The following PLCG2 variants were observed in gnomAD, a reference collection of about 807,000 sequenced individuals.
The protein encoded by PLCG2 is 1-phosphatidylinositol 4,5-bisphosphate phosphodiesterase gamma-2.
Under a neutral mutation model 175.6 loss-of-function variants are expected in PLCG2, and 69 were observed. The observed-to-expected ratio is 0.39, with a 90% CI of 0.32 to 0.48. The LOEUF (loss-of-function observed/expected upper bound fraction) is 0.48. Ranked by LOEUF, PLCG2 falls within the 20% of genes least tolerant of loss-of-function variation. PLCG2 has a pLI of 0.91. For synonymous variants in PLCG2, 827 were observed against 624.0 expected (o/e 1.33, Z -4.85); for missense variants, 1,798 against 1,650.9 (o/e 1.09, Z -1.54).
intron 2 of PLCG2, among the ~76,000 whole-genome samples, chr16:81,760,748 T>TAAAAAAAAAAAAA (rs1224811220): frequency 2.3e-5 from 2 of 87,890 alleles, no homozygotes; most frequent in Non-Finnish European, 5.2e-5. Context: ...CCGTCTCTAT[T>TAAAAAAAAAAAAA]AAAAAAAAAA....
intron 22 of PLCG2, 108 bp downstream of exon 22, chr16:81,923,702 C>A: frequency 1.6e-6 from 1 of 640,942 alleles, no homozygotes; most frequent in Admixed American, 2.6e-5. Context: ...TCATCCTGGG[C>A]TGGCTTTGAC....
At chr16:81,849,831 G>A (rs1301528615) in intron 2 of PLCG2, among the ~76,000 whole-genome samples, 1 of 151,228 alleles carries the variant, frequency 6.6e-6, no homozygotes, top group South Asian at 2.1e-4. Context: ...CATTTTACTG[G>A]GAAAGAGAAT....
At chr16:81,832,105 A>G (rs34826185) in intron 2 of PLCG2, among the ~76,000 whole-genome samples, 19,782 of 76,352 alleles carry the variant, frequency 0.26, 1,382 homozygotes, top group Middle Eastern at 0.34. Flanking sequence ...TGATAAATGG[A>G]GGGGGGGAAT....
At chr16:81,947,928 A>G (rs188430142) in intron 31 of PLCG2, among the ~76,000 whole-genome samples, 101 of 152,250 alleles carry the variant, frequency 6.6e-4, no homozygotes, top group African/African-American at 1.8e-3. Flanking sequence ...TTTGTATATG[A>G]TATTTCCATA....
intron 16 of PLCG2, 27 bp downstream of exon 16, chr16:81,907,801 G>A (rs1909441966): frequency 1.9e-6 from 3 of 1,560,844 alleles, no homozygotes; most frequent in African/African-American, 1.4e-5. Context: ...GCCACATAGG[G>A]AGGAGGTCCC....
At chr16:81,932,499 T>A (rs1249766844) in intron 25 of PLCG2, among the ~76,000 whole-genome samples, 2 of 152,222 alleles carry the variant, frequency 1.3e-5, no homozygotes, top group Non-Finnish European at 2.9e-5. Flanking sequence ...AAGGTAGAAC[T>A]TGACCCAAAG....
chr16:81,865,316 C>G (rs1049090708), intron 5 of PLCG2, among the ~76,000 whole-genome samples: 4 of 152,134 alleles, frequency 2.6e-5, no homozygotes, highest in Admixed American at 6.5e-5. Flanking sequence ...GGGGGCTCAG[C>G]CTGCCTGTGC....
chr16:81,830,127 C>G (rs1905201989), intron 2 of PLCG2, among the ~76,000 whole-genome samples: 1 of 151,972 alleles, frequency 6.6e-6, no homozygotes, highest in African/African-American at 2.4e-5. Context: ...TGAGAATAGC[C>G]TGGGTAACAT....
At chr16:81,764,871 C>G (rs1159908744) in intron 2 of PLCG2, among the ~76,000 whole-genome samples, 1 of 152,146 alleles carries the variant, frequency 6.6e-6, no homozygotes, top group Non-Finnish European at 1.5e-5. Context: ...GGGCAGATCA[C>G]TTGAGCTCAG....
chr16:81,766,465 GCCTCCTCCTCCTCCTCTTCCTCCT>G (rs1244998173), intron 2 of PLCG2, among the ~76,000 whole-genome samples: 2 of 150,556 alleles, frequency 1.3e-5, no homozygotes, highest in Non-Finnish European at 3.0e-5. Context: ...CTTAGCCAGC[GCCTCCTCCTCCTCCTCTTCCTCCT>G]CCTCCTCCTC....
intron 2 of PLCG2, among the ~76,000 whole-genome samples, chr16:81,788,482 G>C (rs1207568513): frequency 6.6e-6 from 1 of 152,130 alleles, no homozygotes; most frequent in East Asian, 1.9e-4. Context: ...GGGTCTCACT[G>C]TGTTAGGCAG....
chr16:81,921,036 C>T (rs1910039134), intron 20 of PLCG2, among the ~76,000 whole-genome samples, 162 bp from the exon 21 acceptor site: 1 of 152,170 alleles, frequency 6.6e-6, no homozygotes, highest in African/African-American at 2.4e-5. Flanking sequence ...TTCTTTATAG[C>T]TTCTTCCTGT....
At chr16:81,938,508 A>C in intron 28 of PLCG2, 1 of 436,642 alleles carries the variant, frequency 2.3e-6, no homozygotes, top group Non-Finnish European at 4.1e-6. Flanking sequence ...TGCCTTGATC[A>C]GAGGCACCTG....
chr16:81,897,514 T>A (rs1349195025), intron 13 of PLCG2, among the ~76,000 whole-genome samples: 2 of 151,266 alleles, frequency 1.3e-5, no homozygotes, highest in Non-Finnish European at 2.9e-5. Flanking sequence ...ATAAGATCGA[T>A]TATTTTTTCT....
At position 81,854,483 on chromosome 16, in the gene PLCG2, A is replaced by G; in HGVS notation, c.233A>G (p.Asn78Ser). Residue 78 changes from asparagine (N) to serine (S), a missense_variant, in exon 3 of 33, where the codon AAC becomes AGC. By Grantham distance (46) the Asn-to-Ser change is conservative (BLOSUM62 1). Transcript: ENST00000564138. ...ATAAAAGAAATCCGCCCAGGGAAGA[A>G]CTCCAAAGATTTCGAGCGAGCAAAA... ...MEIKEIRPGK[N>S]SKDFERAKAV... 1 of 1,614,044 alleles carries G rather than the reference A, an allele frequency of 6.2e-7. No individual in the cohort carries two copies.
chr16:81,792,444 G>A (rs1911274813), intron 2 of PLCG2, among the ~76,000 whole-genome samples: 1 of 120,766 alleles, frequency 8.3e-6, no homozygotes. Flanking sequence ...TCACTCCACT[G>A]CACTCCAGCC....
intron 2 of PLCG2, among the ~76,000 whole-genome samples, chr16:81,790,336 T>C (rs1223439899): frequency 2.6e-5 from 4 of 152,190 alleles, no homozygotes; most frequent in African/African-American, 9.7e-5. Flanking sequence ...ATTTGCATCT[T>C]TGAGCATGCA....
chr16:81,891,535 A>C lies in PLCG2; in HGVS notation c.931A>C (p.Met311Leu). The C allele has an allele frequency of 2.5e-6, 4 of 1,612,724 alleles. No homozygotes were observed. Among genetic ancestry groups the C allele is most frequent in the Non-Finnish European group, 3.4e-6 (4 of 1,178,712 alleles). ...IWDEKYDAVD[M>L]QDMNNPLSHY... ...GGATGAGAAGTATGACGCGGTGGAC[A>C]TGCAGGACATGAACAACCCCCTGTC... Residue 311 changes from methionine (M) to leucine (L), a missense_variant, in exon 11 of 33, where the codon ATG (methionine) becomes CTG (leucine). By Grantham distance (15) the Met-to-Leu change is conservative (BLOSUM62 2). Transcript: ENST00000564138.
chr16:81,840,934 T>G (rs7201405), intron 2 of PLCG2, among the ~76,000 whole-genome samples: 100,057 of 151,486 alleles, frequency 0.66, 33,332 homozygotes, highest in East Asian at 0.71. Flanking sequence ...CCCTTGGGGA[T>G]GGGGAGTCCC....
Sources: gnomAD v4.1 joint callset for allele counts (sites outside exome capture counted in the v4.1 genomes callset) on GRCh38, gnomAD v4.1.1 for gene constraint, MANE v1.5 for transcripts, NCBI Gene and HGNC (gene_info 2026-07-23, HGNC 2026-07-21) for gene names.